The following POM121 variants were observed in gnomAD, a reference collection of about 807,000 sequenced individuals.
The protein encoded by POM121 is POM121 transmembrane nucleoporin.
In POM121, 32 loss-of-function variants were observed where a neutral mutation model predicts 81.3. The ratio of observed to expected loss-of-function variants is 0.39; its 90% CI spans 0.30 to 0.53. The LOEUF is 0.53. Among genes scored for constraint, POM121 ranks in the 20% least tolerant of loss-of-function variants. The pLI is 0.66. For missense variants in POM121, 1,138 were observed against 1,614.6 expected (o/e 0.70, Z 5.06); for synonymous variants, 514 against 694.2 (o/e 0.74, Z 4.08).
At chr7:72,900,374 T>TA (rs1421808344) in intron 3 of POM121, among the ~76,000 whole-genome samples, 1 of 152,012 alleles carries the variant, frequency 6.6e-6, no homozygotes, top group Non-Finnish European at 1.5e-5. Flanking sequence ...TTGCTTTTTT[T>TA]TTTTTCTTTG....
At chr7:72,938,745 G>A (rs569855975) in intron 6 of POM121, 64 bp downstream of exon 6, 67 of 1,541,764 alleles carry the variant, frequency 4.3e-5, no homozygotes, top group Non-Finnish European at 5.6e-5. Flanking sequence ...GGAAAGGTGG[G>A]AAACGAACCT....
At chr7:72,945,156 A>T (rs1797544097) in intron 11 of POM121, among the ~76,000 whole-genome samples, 1 of 152,144 alleles carries the variant, frequency 6.6e-6, no homozygotes, top group Non-Finnish European at 1.5e-5. Flanking sequence ...AGGCCGGGGA[A>T]GGGAGGGGAC....
At chr7:72,941,748 G>A (rs1442185375) in intron 10 of POM121, 89 bp from the exon 11 acceptor site, 1 of 1,495,858 alleles carries the variant, frequency 6.7e-7, no homozygotes, top group African/African-American at 1.4e-5. Flanking sequence ...CCCAGGCTCT[G>A]TGGTAGGCGT....
At chr7:72,945,828 C>T (rs569451473) in intron 12 of POM121, 120 bp downstream of exon 12, 8 of 1,462,940 alleles carry the variant, frequency 5.5e-6, no homozygotes, top group Admixed American at 5.0e-5. Context: ...AAAGACATTT[C>T]GGGTTAGGAG....
At chr7:72,895,180 T>C (rs1291291419) in intron 3 of POM121, among the ~76,000 whole-genome samples, 1 of 152,176 alleles carries the variant, frequency 6.6e-6, no homozygotes, top group African/African-American at 2.4e-5. Context: ...ACCATCTCAA[T>C]GACCAGGGTT....
chr7:72,885,897 A>G (rs1790654462), intron 1 of POM121, among the ~76,000 whole-genome samples: 1 of 151,744 alleles, frequency 6.6e-6, no homozygotes, highest in Non-Finnish European at 1.5e-5. Flanking sequence ...AGAATTTTTT[A>G]TGATTCTACT....
chr7:72,939,317 G>A lies in POM121; in HGVS notation c.1368-19G>A, dbSNP rs1554500243. On this transcript the variant is annotated intron_variant, in intron 6 of 12. Transcript: ENST00000434423. Reference sequence around the variant, plus strand: ...CCAAGAAGCCTTTCTAGACTAAATTGTTCCTTTTTTCCTGACAGAGAAGAG... The same window carrying A: ...CCAAGAAGCCTTTCTAGACTAAATTATTCCTTTTTTCCTGACAGAGAAGAG... The A allele has an allele frequency of 1.2e-6, 2 of 1,613,320 alleles. No individual in the cohort carries two copies. The highest frequency in any genetic ancestry group is 1.7e-6 in the Non-Finnish European group (2 of 1,179,544).
rs781842778 is a variant in POM121 at position 72,926,790 on chromosome 7, C to T, written c.861-12C>T. On this transcript the variant is annotated splice_polypyrimidine_tract_variant and intron_variant, in intron 2 of 12. Transcript: ENST00000434423. The stretch of plus-strand genomic sequence containing the variant: ...AAATATCTTACAGCTAGAATCTTGT[C>T]TTTCATTGTAGACCAGAGCAGATAA... 1 of 1,611,444 alleles carries T rather than the reference C, an allele frequency of 6.2e-7. No individual in the cohort carries two copies. The highest frequency in any genetic ancestry group is 8.5e-7 in the Non-Finnish European group (1 of 1,178,814).
Position 72,945,584 on chromosome 7 carries a change from A to G in POM121, c.3530-2A>G. 6.2e-7 allele frequency: 1 copy of G among 1,613,130 alleles called. No individual in the cohort carries two copies. Among genetic ancestry groups the G allele is most frequent in the Non-Finnish European group, 8.5e-7 (1 of 1,179,642 alleles). Reference sequence around the variant, plus strand: ...GCCAGCTCTCTGTTCTCTTCATTCCAGGCACCGCCACCCCCACCTTTGGTC... The same window carrying G: ...GCCAGCTCTCTGTTCTCTTCATTCCGGGCACCGCCACCCCCACCTTTGGTC... On this transcript the variant is annotated splice_acceptor_variant, in intron 11 of 12. Coordinates refer to ENST00000434423, the MANE Select transcript of POM121 (RefSeq NM_001387691.1). LOFTEE classifies it high-confidence loss of function.
downstream of POM121, chr7:72,949,744 A>G: frequency 1.2e-6 from 1 of 804,840 alleles, no homozygotes; most frequent in Non-Finnish European, 2.2e-6. Flanking sequence ...ACTTTGGTGC[A>G]GCAGGAAAGA....
intron 5 of POM121, among the ~76,000 whole-genome samples, chr7:72,937,449 G>A (rs1194243725): frequency 6.6e-6 from 1 of 151,536 alleles, no homozygotes; most frequent in Non-Finnish European, 1.5e-5. Flanking sequence ...CTTTCTTGCT[G>A]TTTGAGCGTA....
chr7:72,944,818 A>C (rs1339180626), intron 11 of POM121, among the ~76,000 whole-genome samples: 1 of 151,996 alleles, frequency 6.6e-6, no homozygotes, highest in Non-Finnish European at 1.5e-5. Context: ...TGGGGGTGGC[A>C]GGGTTGAGGG....
intron 1 of POM121, among the ~76,000 whole-genome samples, chr7:72,882,313 G>A (rs1790240949): frequency 1.3e-5 from 2 of 152,316 alleles, no homozygotes; most frequent in South Asian, 4.1e-4. Flanking sequence ...GCAGAAGGAA[G>A]AGGGAACATT....
In POM121 at chr7:72,939,331, G is replaced by T. The variant is rs782409217; in HGVS notation, c.1368-5G>T. 6.2e-7 allele frequency: 1 copy of T among 1,613,000 alleles called. No homozygotes were observed. Among genetic ancestry groups the T allele is most frequent in the Admixed American group, 1.7e-5 (1 of 59,734 alleles). ...TAGACTAAATTGTTCCTTTTTTCCT[G>T]ACAGAGAAGAGGAGCTGTGTCATCA... On this transcript the variant is annotated splice_region_variant and splice_polypyrimidine_tract_variant and intron_variant, in intron 6 of 12. Coordinates refer to ENST00000434423, the MANE Select transcript of POM121 (RefSeq NM_001387691.1).
chr7:72,926,638 G>T (rs1466209259), intron 2 of POM121, among the ~76,000 whole-genome samples, 161 bp downstream of exon 2: 1 of 152,108 alleles, frequency 6.6e-6, no homozygotes, highest in Non-Finnish European at 1.5e-5. Flanking sequence ...TTCACTTTTT[G>T]CTCTTAACGA....
In POM121 at chr7:72,946,346, C is replaced by A. The variant is rs1797690759; in HGVS notation, c.*112C>A. The A allele has an allele frequency of 2.1e-6, 3 of 1,457,134 alleles. No homozygotes were observed. The highest frequency in any genetic ancestry group is 9.1e-7 in the Non-Finnish European group (1 of 1,101,278). The allele number at this position is 1,457,134 out of a possible 1,614,324, so 90.3% of individuals were successfully genotyped here. A position where few individuals can be genotyped will look rare whatever the true frequency, so the allele number is the denominator to read the frequency against. ...TGCGTAAAGCAAACCTACCCCGGATCTCTGGCTTCAGCCGCCAGGGGGCAG... is the reference window on the plus strand; with the variant it reads ...TGCGTAAAGCAAACCTACCCCGGATATCTGGCTTCAGCCGCCAGGGGGCAG... On this transcript the variant is annotated 3_prime_UTR_variant, in exon 13 of 13. Transcript: ENST00000434423.
In POM121 at chr7:72,892,437, G is replaced by T. The variant is rs1791391897; in HGVS notation, c.-216+1327G>T. 4.6e-5 allele frequency among the ~76,000 whole-genome samples: 7 copies of T among 152,098 alleles called. 1 individual carries two copies. The South Asian group carries it at 1.5e-3, about 32-fold the overall frequency. On this transcript the variant is annotated intron_variant, in intron 3 of 15. Transcript: ENST00000395270. ...TGATTGTGCTAGTCTTCTCTCCATG[G>T]TTTGTGTTCTTTGTCTTCTGTGAAA...
chr7:72,934,159 A>G (rs1435892720), intron 5 of POM121, among the ~76,000 whole-genome samples: 4 of 151,604 alleles, frequency 2.6e-5, no homozygotes, highest in East Asian at 3.8e-4. Context: ...ACCTTGGCTC[A>G]CTGCAACCTC....
At chr7:72,908,886 A>G (rs1326554222) in intron 3 of POM121, among the ~76,000 whole-genome samples, 1 of 152,120 alleles carries the variant, frequency 6.6e-6, no homozygotes, top group Admixed American at 6.6e-5. Context: ...CAGATTTCAT[A>G]TTGTTTAAAC....
Sources: gnomAD v4.1 joint callset for allele counts (sites outside exome capture counted in the v4.1 genomes callset) on GRCh38, gnomAD v4.1.1 for gene constraint, MANE v1.5 for transcripts, NCBI Gene and HGNC (gene_info 2026-07-23, HGNC 2026-07-21) for gene names.